LMF1: variants seen among roughly 807,000 people sequenced by gnomAD.
LMF1 encodes transmembrane protein 112.
Under a neutral mutation model 60.6 loss-of-function variants are expected in LMF1, and 68 were observed. That is an observed-to-expected ratio of 1.12 (90% confidence interval 0.92 to 1.37). The LOEUF (loss-of-function observed/expected upper bound fraction) is 1.37, where lower values mean the gene tolerates loss of function less well. Ranked by LOEUF, LMF1 falls within the 40% of genes most tolerant of loss-of-function variation. The probability of loss-of-function intolerance (pLI) is 0.00; values close to 1 mark genes in which losing one functional copy is unlikely to be tolerated. For missense variants in LMF1, 948 were observed against 767.2 expected (o/e 1.24, Z -2.78); for synonymous variants, 418 against 324.7 (o/e 1.29, Z -3.09).
intron 5 of LMF1, among the ~76,000 whole-genome samples, chr16:885,684 C>T (rs1461339054): frequency 6.6e-6 from 1 of 152,198 alleles, no homozygotes; most frequent in Non-Finnish European, 1.5e-5. Flanking sequence ...AGAAGACTCT[C>T]AAACACGTAT....
At chr16:931,312 C>A (rs552409973) in intron 3 of LMF1, among the ~76,000 whole-genome samples, 2 of 152,252 alleles carry the variant, frequency 1.3e-5, no homozygotes, top group African/African-American at 2.4e-5. Context: ...CACCTAGAGC[C>A]GGCTGGCTGC....
At chr16:927,416 G>C (rs1008247064) in intron 3 of LMF1, among the ~76,000 whole-genome samples, 1 of 152,244 alleles carries the variant, frequency 6.6e-6, no homozygotes, top group Admixed American at 6.5e-5. Context: ...CCCAGGGAGG[G>C]GCCGTGCAAT....
chr16:936,456 A>G (rs1597031674), intron 2 of LMF1, among the ~76,000 whole-genome samples: 1 of 113,986 alleles, frequency 8.8e-6, no homozygotes, highest in Non-Finnish European at 1.8e-5. Context: ...GGAGGGAGGG[A>G]GGGCACCCCG....
chr16:870,320 C>T (rs975902131), intron 8 of LMF1, among the ~76,000 whole-genome samples: 4 of 152,234 alleles, frequency 2.6e-5, no homozygotes, highest in Non-Finnish European at 5.9e-5. Flanking sequence ...CCATGTGCCC[C>T]ATGCCCCTCG....
At position 955,467 on chromosome 16, in the gene LMF1, G is replaced by GCGCACA. The variant is rs1555476347; in HGVS notation, c.194-802_194-801insTGTGCG. Among the ~76,000 whole-genome samples the GCGCACA allele has an allele frequency of 3.0e-4, 28 of 94,306 alleles. 3 individuals are homozygous for GCGCACA. The East Asian group carries it at 7.5e-3, about 25-fold the overall frequency. The allele number at this position is 94,306 out of a possible 152,430, so 61.9% of individuals were successfully genotyped here. A position where few individuals can be genotyped will look rare whatever the true frequency, so the allele number is the denominator to read the frequency against. ...CGTGCCTGCAGCAGACGCGGTGTGT[G>GCGCACA]CATACACACACACACACATCTAAGT... On this transcript the variant is annotated intron_variant, in intron 1 of 10. Coordinates refer to ENST00000262301, the MANE Select transcript of LMF1 (RefSeq NM_022773.4).
intron 3 of LMF1, among the ~76,000 whole-genome samples, chr16:917,982 C>CT (rs2151762932): frequency 6.6e-6 from 1 of 152,350 alleles, no homozygotes; most frequent in African/African-American, 2.4e-5. Context: ...CGCCCTTCTG[C>CT]TGCCCGCAAG....
chr16:954,273 C>A (rs769790018), intron 2 of LMF1, 84 bp downstream of exon 2: 11 of 1,357,856 alleles, frequency 8.1e-6, no homozygotes, highest in African/African-American at 1.4e-5. Flanking sequence ...CTCGTCCAGT[C>A]TTTCCAAGTG....
rs543866362 is a variant in LMF1, at chr16:888,925, C to A, written c.729+4082G>T. Among the ~76,000 whole-genome samples, 3 of 152,334 alleles carry A rather than the reference C, an allele frequency of 2.0e-5. No individual in the cohort carries two copies. In the East Asian group the frequency reaches 5.8e-4, roughly 29 times the overall value. ...CAGCTGGGACAGGAGCTGCATCCCC[C>A]CTCTCCTGTGCTGCGCTGGCCCTGG... On this transcript the variant is annotated intron_variant, in intron 5 of 10. Transcript: ENST00000262301.
intron 5 of LMF1, among the ~76,000 whole-genome samples, chr16:886,474 C>T (rs2070310051): frequency 1.3e-5 from 2 of 151,746 alleles, no homozygotes; most frequent in South Asian, 2.1e-4. Context: ...GGCTTTGAAC[C>T]GCGCCCGGCC....
chr16:956,343 T>C (rs2072704570), intron 1 of LMF1, among the ~76,000 whole-genome samples: 1 of 152,178 alleles, frequency 6.6e-6, no homozygotes, highest in Non-Finnish European at 1.5e-5. Flanking sequence ...ACTGAATGCT[T>C]ACCCAGAGAT....
chr16:913,958 A>G (rs1006529228), intron 3 of LMF1, among the ~76,000 whole-genome samples: 2 of 152,358 alleles, frequency 1.3e-5, no homozygotes, highest in South Asian at 4.1e-4. Context: ...AATACTCGGA[A>G]GAGAAAATCT....
chr16:894,187 CT>C, intron 4 of LMF1, among the ~76,000 whole-genome samples: 1 of 117,264 alleles, frequency 8.5e-6, no homozygotes, highest in Non-Finnish European at 1.7e-5. Context: ...GTCCACTGGA[CT>C]GTCCGCCCAC....
At chr16:869,335 CCTGAGG>C in intron 9 of LMF1, 1 of 655,810 alleles carries the variant, frequency 1.5e-6, no homozygotes, top group South Asian at 1.5e-5. Flanking sequence ...GCCTTGCCTC[CCTGAGG>C]CTCAGTTTTC....
chr16:890,511 G>A (rs559269095), intron 5 of LMF1, among the ~76,000 whole-genome samples: 62 of 152,284 alleles, frequency 4.1e-4, no homozygotes, highest in African/African-American at 1.4e-3. Context: ...TCAGGCTCAT[G>A]GCTCTCTGTG....
At chr16:932,462 C>T (rs1597023526) in intron 3 of LMF1, among the ~76,000 whole-genome samples, 1 of 152,262 alleles carries the variant, frequency 6.6e-6, no homozygotes. Context: ...TTTGCGATCA[C>T]TGCTCAGAGT....
intron 3 of LMF1, among the ~76,000 whole-genome samples, chr16:921,330 C>A (rs2151766715): frequency 6.6e-6 from 1 of 152,332 alleles, no homozygotes; most frequent in Non-Finnish European, 1.5e-5. Context: ...CGCCATAGCC[C>A]TTCTTGAGGG....
chr16:889,859 T>C (rs1193316388), intron 5 of LMF1, among the ~76,000 whole-genome samples: 2 of 152,026 alleles, frequency 1.3e-5, no homozygotes, highest in East Asian at 1.9e-4. Context: ...GGAGGGAGCA[T>C]CCTCGTCCGA....
At chr16:967,793 G>A (rs1284131063) in intron 1 of LMF1, among the ~76,000 whole-genome samples, 1 of 152,210 alleles carries the variant, frequency 6.6e-6, no homozygotes, top group Non-Finnish European at 1.5e-5. Flanking sequence ...CTGAACTCCA[G>A]GGCCTACGGA....
intron 9 of LMF1, 185 bp from the exon 10 acceptor site, chr16:869,241 A>T: frequency 3.0e-6 from 2 of 667,920 alleles, no homozygotes. Context: ...TGTAGCCCTG[A>T]CCACTCATTC....
Sources: gnomAD v4.1 joint callset for allele counts (sites outside exome capture counted in the v4.1 genomes callset) on GRCh38, gnomAD v4.1.1 for gene constraint, MANE v1.5 for transcripts, NCBI Gene and HGNC (gene_info 2026-07-23, HGNC 2026-07-21) for gene names.